KIAA0753: variants seen among roughly 807,000 people sequenced by gnomAD.
KIAA0753 encodes KIAA0753.
A neutral mutation model predicts 116.9 loss-of-function variants in KIAA0753; 114 were observed. The observed-to-expected ratio is 0.98, with a 90% CI of 0.84 to 1.14. The LOEUF is 1.14. KIAA0753 is among the 50% of genes most tolerant of loss of function. KIAA0753 has a pLI of 0.00. For synonymous variants in KIAA0753, 405 were observed against 413.1 expected (o/e 0.98, Z 0.24); for missense variants, 1,156 against 1,172.4 (o/e 0.99, Z 0.20).
intron 2 of KIAA0753, 130 bp from the exon 3 acceptor site, chr17:6,628,871 A>T (rs1328635882): frequency 1.1e-5 from 9 of 826,950 alleles, no homozygotes; most frequent in African/African-American, 1.8e-5. Flanking sequence ...TTTCTGTTTT[A>T]CTGATAGACA....
At chr17:6,609,034 G>C (rs758265644) in intron 9 of KIAA0753, among the ~76,000 whole-genome samples, 2 of 152,194 alleles carry the variant, frequency 1.3e-5, no homozygotes, top group African/African-American at 2.4e-5. Context: ...GAAGTCAGAA[G>C]ACCTGATTTT....
At position 6,589,247 on chromosome 17, in the gene KIAA0753, G is replaced by C. The variant is rs370273258; in HGVS notation, c.2786+532C>G. On this transcript the variant is annotated intron_variant, in intron 18 of 18. Transcript: ENST00000361413. ...CTCAATGGGATCAGTGCCCTTCTGA[G>C]AAGAGGAAGAGACCACAGTTCCCTT... Among the ~76,000 whole-genome samples, 75 of 152,308 alleles carry C rather than the reference G, an allele frequency of 4.9e-4. No individual in the cohort carries two copies. In the East Asian group the frequency reaches 0.011, roughly 22 times the overall value.
intron 12 of KIAA0753, 56 bp from the exon 13 acceptor site, chr17:6,600,514 G>C: frequency 7.1e-7 from 1 of 1,406,666 alleles, no homozygotes. Flanking sequence ...ATCCTATTTT[G>C]CATATTTATT....
chr17:6,612,783 G>A lies in KIAA0753; in HGVS notation c.1316-635C>T, dbSNP rs568398345. Among the ~76,000 whole-genome samples the A allele has an allele frequency of 1.6e-4, 25 of 152,284 alleles. No homozygotes were observed. The East Asian group carries it at 3.1e-3, about 19-fold the overall frequency. On this transcript the variant is annotated intron_variant, in intron 7 of 18. Transcript: ENST00000361413. ...CTCAGGAGGCTGAGGCAGGAGAATC[G>A]TTTGAACTCAGGAGACAGAGGTTGC...
At chr17:6,619,204 G>A (rs1038553894) in intron 7 of KIAA0753, among the ~76,000 whole-genome samples, 3 of 151,918 alleles carry the variant, frequency 2.0e-5, no homozygotes, top group Non-Finnish European at 4.4e-5. Flanking sequence ...ACTCCAGCCT[G>A]GACAACGGAG....
In KIAA0753 at chr17:6,628,440, C is replaced by G; in HGVS notation, c.395G>C (p.Cys132Ser). 1 of 1,614,208 alleles carries G rather than the reference C, an allele frequency of 6.2e-7. No homozygotes were observed. Among genetic ancestry groups the G allele is most frequent in the Non-Finnish European group, 8.5e-7 (1 of 1,180,028 alleles). ...LRSQPQSSQK[C>S]GHTKYKIPDH... is the part of the protein sequence containing the mutation. ...GGGTATTTTATACTTAGTATGTCCA[C>G]ACTTCTGAGAGCTTTGAGGCTGACT... Residue 132 changes from cysteine to serine, a missense_variant, in exon 3 of 19, where the codon TGT becomes TCT. Coordinates refer to ENST00000361413, the MANE Select transcript of KIAA0753 (RefSeq NM_014804.3).
At chr17:6,588,541 T>C (rs1352506712) in intron 18 of KIAA0753, among the ~76,000 whole-genome samples, 2 of 152,148 alleles carry the variant, frequency 1.3e-5, no homozygotes, top group African/African-American at 4.8e-5. Context: ...ACTGATACTT[T>C]TGATCCAGAC....
chr17:6,591,104 GA>G (rs35293026), intron 16 of KIAA0753, among the ~76,000 whole-genome samples: 1 of 143,886 alleles, frequency 6.9e-6, no homozygotes, highest in Non-Finnish European at 1.5e-5. Flanking sequence ...AGAAGAAGAA[GA>G]AGAAAACACT....
At chr17:6,635,376 CA>C (rs892538884) in intron 1 of KIAA0753, 306 of 225,120 alleles carry the variant, frequency 1.4e-3, no homozygotes, top group Middle Eastern at 4.0e-3. Flanking sequence ...ATTTCAAAAA[CA>C]AAAAAAAATA....
intron 8 of KIAA0753, among the ~76,000 whole-genome samples, chr17:6,611,681 T>A (rs553580559): frequency 2.8e-4 from 42 of 152,320 alleles, no homozygotes; most frequent in Non-Finnish European, 5.9e-4. Flanking sequence ...CCAATTAGGA[T>A]ATTGGTATCA....
At chr17:6,602,665 A>C (rs1024050684) in intron 12 of KIAA0753, among the ~76,000 whole-genome samples, 1 of 152,242 alleles carries the variant, frequency 6.6e-6, no homozygotes, top group Non-Finnish European at 1.5e-5. Flanking sequence ...TCTAGGTTGA[A>C]GGACAAATTA....
At chr17:6,599,059 T>C (rs969042382) in intron 14 of KIAA0753, among the ~76,000 whole-genome samples, 178 bp downstream of exon 14, 1 of 152,236 alleles carries the variant, frequency 6.6e-6, no homozygotes, top group African/African-American at 2.4e-5. Flanking sequence ...AGGGCTGACC[T>C]AAGTCATAAT....
At chr17:6,615,666 ATT>A (rs1318378803) in intron 7 of KIAA0753, among the ~76,000 whole-genome samples, 2 of 145,100 alleles carry the variant, frequency 1.4e-5, no homozygotes, top group Non-Finnish European at 3.0e-5. Flanking sequence ...TCTGTAATTT[ATT>A]TAACTCCCAA....
rs762442043 is a variant in KIAA0753 at position 6,596,264 on chromosome 17, G to A, written c.2252C>T (p.Ala751Val). Residue 751 changes from alanine (A) to valine (V), a missense_variant, in exon 15 of 19, where the codon GCT becomes GTT. Transcript: ENST00000361413. ...CCCCAAGATCTTAGCATGAGTCACA[G>A]CCCAGAGCTCACTGGCACAATCTTC... The part of the protein sequence containing the change: ...FLEDCASELW[A>V]VTHAKILGSE... 1.2e-6 allele frequency: 2 copies of A among 1,613,412 alleles called. No individual in the cohort carries two copies. The highest frequency in any genetic ancestry group is 3.3e-5 in the Admixed American group (2 of 59,966).
intron 6 of KIAA0753, among the ~76,000 whole-genome samples, chr17:6,621,937 T>A (rs1278686391): frequency 6.6e-6 from 1 of 151,966 alleles, no homozygotes; most frequent in Non-Finnish European, 1.5e-5. Context: ...ATGTAACCAA[T>A]GAAAATCACA....
At chr17:6,618,475 C>T (rs1971082494) in intron 7 of KIAA0753, among the ~76,000 whole-genome samples, 1 of 152,180 alleles carries the variant, frequency 6.6e-6, no homozygotes, top group South Asian at 2.1e-4. Flanking sequence ...GGGACTGAAA[C>T]TTAACCCGTG....
At chr17:6,632,023 T>G (rs1972047603) in intron 2 of KIAA0753, among the ~76,000 whole-genome samples, 1 of 152,176 alleles carries the variant, frequency 6.6e-6, no homozygotes, top group Admixed American at 6.5e-5. Context: ...GCTGAGATTA[T>G]AGGTGTGCAC....
chr17:6,611,897 A>C (rs1177391912), intron 8 of KIAA0753, 22 bp downstream of exon 8: 1 of 1,602,832 alleles, frequency 6.2e-7, no homozygotes, highest in South Asian at 1.1e-5. Flanking sequence ...AAATGGGCCA[A>C]AAGAGAGGAA....
At chr17:6,609,086 C>T (rs1970372311) in intron 9 of KIAA0753, among the ~76,000 whole-genome samples, 1 of 152,214 alleles carries the variant, frequency 6.6e-6, no homozygotes, top group South Asian at 2.1e-4. Flanking sequence ...ATTCTCTAAA[C>T]ATTGTTTCCT....
Sources: allele counts gnomAD v4.1 joint callset (sites outside exome capture counted in the v4.1 genomes callset), GRCh38; gene constraint gnomAD v4.1.1; transcripts MANE v1.5; gene names NCBI Gene and HGNC (gene_info 2026-07-23, HGNC 2026-07-21).